Variants in HAPLN4 observed in about 807,000 individuals in gnomAD.
HAPLN4 encodes the protein hyaluronan and proteoglycan link protein 4.
HAPLN4 carries 19 observed loss-of-function variants against 28.0 expected under a neutral mutation model. The observed-to-expected ratio is 0.68, with a 90% CI of 0.47 to 1.00. The LOEUF (loss-of-function observed/expected upper bound fraction) is 1.00, where lower values mean the gene tolerates loss of function less well. HAPLN4 is among the 50% of genes least tolerant of loss of function. The probability of loss-of-function intolerance (pLI) is 0.00; values close to 1 mark genes in which losing one functional copy is unlikely to be tolerated. For missense variants in HAPLN4, 587 were observed against 602.6 expected (o/e 0.97, Z 0.27); for synonymous variants, 274 against 273.0 (o/e 1.00, Z -0.03).
rs376960093 is a variant in HAPLN4, at chr19:19,260,976, C to A, written c.321G>T (p.Arg107=). The A allele has an allele frequency of 1.2e-5, 19 of 1,613,660 alleles. No homozygotes were observed. The highest frequency in any genetic ancestry group is 1.5e-5 in the Non-Finnish European group (18 of 1,179,986). Reference sequence around the variant, plus strand: ...CCCGCCCACGGTAGCTGCCGAATGCCCGGTGCTGGGGGCCTAGTGCCACGA... The same window carrying A: ...CCCGCCCACGGTAGCTGCCGAATGCACGGTGCTGGGGGCCTAGTGCCACGA... ...DVFVALGPQH[R]AFGSYRGRAE... Residue 107 remains arginine, a synonymous_variant, in exon 3 of 5, where the codon CGG becomes CGT. Transcript: ENST00000291481.
In HAPLN4 at chr19:19,261,180, G is replaced by A; in HGVS notation, c.122-5C>T. 1 of 1,589,842 alleles carries A rather than the reference G, an allele frequency of 6.3e-7. No individual in the cohort carries two copies. Among genetic ancestry groups the A allele is most frequent in the Non-Finnish European group, 8.6e-7 (1 of 1,165,016 alleles). ...CTACCGAGCCCGACTCACCCTCTGA[G>A]GACAACCAAGCAGGGTTCAGAGGAG... is the stretch of plus-strand genomic sequence containing the variant. On this transcript the variant is annotated splice_region_variant and splice_polypyrimidine_tract_variant and intron_variant, in intron 2 of 4. Transcript: ENST00000291481.
Position 19,258,607 on chromosome 19 carries a change from C to T in HAPLN4, c.733G>A (p.Ala245Thr), listed in dbSNP as rs1335028847. The change falls in exon 4 of 5, where the codon GCC becomes ACC. Residue 245 changes from alanine (A) to threonine (T), a missense_variant. Transcript: ENST00000291481. This position sits in a 1 kb window ranked among gnomAD's most constrained non-coding sequence, Gnocchi z 6.2. ...CCGTAGTTGCGCAGGCCCCCGTTGG[C>T]ATCACCGCCGCCCCCTGCACTCCCG... ...GTGSAGGGGDANGGLRNYGYR... is the reference protein window; with the variant it reads ...GTGSAGGGGDTNGGLRNYGYR... The T allele has an allele frequency of 3.7e-6, 6 of 1,613,306 alleles. No individual in the cohort carries two copies. Among genetic ancestry groups the T allele is most frequent in the Middle Eastern group, 1.6e-4 (1 of 6,084 alleles).
At chr19:19,260,776 T>C in intron 3 of HAPLN4, 37 bp downstream of exon 3, 1 of 1,583,992 alleles carries the variant, frequency 6.3e-7, no homozygotes, top group Non-Finnish European at 8.6e-7. Flanking sequence ...CCCTCCTTCC[T>C]CAGAAGCAAG....
Position 19,258,139 on chromosome 19 carries a change from C to T in HAPLN4, c.887G>A (p.Arg296His). Reference protein sequence around the residue: ...FSGAARACAARGAAVAKVGQL... With the variant: ...FSGAARACAAHGAAVAKVGQL... ...CCCCACCTTGGCCACGGCCGCGCCA[C>T]GCGCAGCACACGCGCGCGCAGCTCC... The change falls in exon 5 of 5, where the codon CGT (arginine) becomes CAT (histidine). Residue 296 changes from arginine (R) to histidine (H), a missense_variant. Transcript: ENST00000291481. The surrounding 1 kb of genome is among the most constrained non-coding windows in gnomAD (Gnocchi z 6.2). 1 of 1,550,430 alleles carries T rather than the reference C, an allele frequency of 6.4e-7. No individual in the cohort carries two copies. The highest frequency in any genetic ancestry group is 8.7e-7 in the Non-Finnish European group (1 of 1,155,152).
intron 1 of HAPLN4, chr19:19,261,787 C>T (rs1247428700): frequency 1.3e-4 from 60 of 478,140 alleles, no homozygotes; most frequent in Non-Finnish European, 1.2e-4. Context: ...TCAGTCCTGC[C>T]CCAGATCCCG....
intron 3 of HAPLN4, among the ~76,000 whole-genome samples, chr19:19,260,135 C>T (rs1234856520): frequency 6.6e-6 from 1 of 152,172 alleles, no homozygotes; most frequent in Non-Finnish European, 1.5e-5. Flanking sequence ...TCTCACTGTG[C>T]CTGAATCCTA....
Position 19,261,114 on chromosome 19 carries a change from A to G in HAPLN4, c.183T>C (p.Gly61=), listed in dbSNP as rs1256238146. Residue 61 remains glycine, a synonymous_variant, in exon 3 of 5, where the codon GGT becomes GGC. Transcript: ENST00000291481. Reference sequence around the variant, plus strand: ...AGCGGCAGGGCAAGACGATGGTGCCACCACGGTGGCTTACCACCTGCCCAG... The same window carrying G: ...AGCGGCAGGGCAAGACGATGGTGCCGCCACGGTGGCTTACCACCTGCCCAG... The part of the protein sequence containing the change: ...TAPGQVVSHR[G]GTIVLPCRYH... The G allele has an allele frequency of 1.2e-6, 2 of 1,611,356 alleles. No homozygotes were observed. The highest frequency in any genetic ancestry group is 2.7e-5 in the African/African-American group (2 of 74,908).
intron 2 of HAPLN4, 98 bp downstream of exon 2, chr19:19,261,348 A>C: frequency 7.8e-7 from 1 of 1,283,856 alleles, no homozygotes. Context: ...TGGCTGGGGG[A>C]ACCGCGGACG....
intron 1 of HAPLN4, 57 bp downstream of exon 1, chr19:19,262,673 A>G (rs117397390): frequency 0.018 from 28,361 of 1,591,122 alleles, 976 homozygotes; most frequent in South Asian, 0.11. Flanking sequence ...AGAGAGATAT[A>G]GAATCCAAGA....
intron 1 of HAPLN4, 138 bp from the exon 2 acceptor site, chr19:19,261,701 G>C: frequency 3.5e-6 from 2 of 573,414 alleles, no homozygotes; most frequent in Non-Finnish European, 5.9e-6. Context: ...GGGTCCTGGA[G>C]AACTCCCCCT....
At position 19,262,395 on chromosome 19, in the gene HAPLN4, GAGGGAGAGGGAGAGACAGAA is replaced by G. The variant is rs1213766598; in HGVS notation, c.3+315_3+334del. On this transcript the variant is annotated intron_variant, in intron 1 of 4. Coordinates refer to ENST00000291481, the MANE Select transcript of HAPLN4 (RefSeq NM_023002.3). ...ACAGAGAGGCAGAGGGAGCGACAGA[GAGGGAGAGGGAGAGACAGAA>G]AGGGAGAGGGAGAGACAGGAGAGTG... Among the ~76,000 whole-genome samples the G allele has an allele frequency of 2.0e-4, 31 of 151,818 alleles. No homozygotes were observed. The East Asian group carries it at 5.3e-3, about 26-fold the overall frequency.
chr19:19,262,724 A>G lies in HAPLN4; in HGVS notation c.3+6T>C, dbSNP rs747377962. 5.6e-6 allele frequency: 9 copies of G among 1,612,262 alleles called. No individual in the cohort carries two copies. Among genetic ancestry groups the G allele is most frequent in the Non-Finnish European group, 6.8e-6 (8 of 1,179,304 alleles). ...ACACACCACCCGCGCCCGCAGCCCC[A>G]CTTACCATCTTGCCCGCGCGGCCCC... On this transcript the variant is annotated splice_donor_region_variant and intron_variant, in intron 1 of 4. Transcript: ENST00000291481.
rs1235596208 is a variant in HAPLN4 at position 19,258,135 on chromosome 19, G to T, written c.891C>A (p.Gly297=). The part of the protein sequence containing the change: ...SGAARACAAR[G]AAVAKVGQLF... ...GCTGCCCCACCTTGGCCACGGCCGC[G>T]CCACGCGCAGCACACGCGCGCGCAG... is the stretch of plus-strand genomic sequence containing the variant. The change falls in exon 5 of 5, where the codon GGC becomes GGA. Residue 297 remains glycine (G), a synonymous_variant. Coordinates refer to ENST00000291481, the MANE Select transcript of HAPLN4 (RefSeq NM_023002.3). This position sits in a 1 kb window ranked among gnomAD's most constrained non-coding sequence, Gnocchi z 6.2. 6.5e-7 allele frequency: 1 copy of T among 1,549,890 alleles called. No homozygotes were observed. The highest frequency in any genetic ancestry group is 1.4e-5 in the African/African-American group (1 of 73,820).
rs768831298 is a variant in HAPLN4, at chr19:19,258,867, C to T, written c.485-12G>A. ...GGGAAAGACCACGCCTGGCGGGGGG[C>T]GCACGGGATCAGCAGGTACACCCCA... On this transcript the variant is annotated splice_polypyrimidine_tract_variant and intron_variant, in intron 3 of 4. Coordinates refer to ENST00000291481, the MANE Select transcript of HAPLN4 (RefSeq NM_023002.3). The surrounding 1 kb of genome is among the most constrained non-coding windows in gnomAD (Gnocchi z 6.2). The T allele has an allele frequency of 2.0e-6, 3 of 1,523,290 alleles. No homozygotes were observed. The highest frequency in any genetic ancestry group is 1.3e-5 in the South Asian group (1 of 78,290). 94.4% of individuals were successfully genotyped at this position (1,523,290 alleles called of 1,614,324 possible).
At chr19:19,259,964 T>G (rs2060977861) in intron 3 of HAPLN4, among the ~76,000 whole-genome samples, 1 of 152,182 alleles carries the variant, frequency 6.6e-6, no homozygotes, top group South Asian at 2.1e-4. Context: ...GAGGGACAAC[T>G]CTGGGACTCT....
chr19:19,262,068 GGGAAGAGAGAGA>G (rs1276958563), intron 1 of HAPLN4, among the ~76,000 whole-genome samples: 2 of 151,986 alleles, frequency 1.3e-5, no homozygotes, highest in African/African-American at 2.4e-5. Flanking sequence ...AAAAGGGGAA[GGGAAGAGAGAGA>G]GGCAGAGATG....
intron 1 of HAPLN4, among the ~76,000 whole-genome samples, chr19:19,261,907 A>G (rs2060984973): frequency 6.6e-6 from 1 of 151,738 alleles, no homozygotes; most frequent in Admixed American, 6.6e-5. Context: ...CGGCGGCAGC[A>G]AGGTTATCCG....
Position 19,257,822 on chromosome 19 carries a change from C to T in HAPLN4, c.1204G>A (p.Val402Ile), listed in dbSNP as rs1024519390. Residue 402 changes from valine to isoleucine, a missense_variant, in exon 5 of 5, where the codon GTC becomes ATC. Val to Ile is a conservative substitution (Grantham distance 29). Transcript: ENST00000291481. The stretch of plus-strand genomic sequence containing the variant: ...GCTGTCCGCCTACTCCCAGCCTAGA[C>T]GTGCAGAGGGGTCCAGGCAGCAGGA... ...RDPAAWTPLH[V>I] 5.0e-6 allele frequency: 7 copies of T among 1,402,644 alleles called. No individual in the cohort carries two copies. Among genetic ancestry groups the T allele is most frequent in the Non-Finnish European group, 6.4e-6 (7 of 1,087,120 alleles). 86.9% of individuals were successfully genotyped at this position (1,402,644 alleles called of 1,614,324 possible).
In HAPLN4 at chr19:19,258,940, C is replaced by T; in HGVS notation, c.485-85G>A. On this transcript the variant is annotated intron_variant, in intron 3 of 4. Transcript: ENST00000291481. This position sits in a 1 kb window ranked among gnomAD's most constrained non-coding sequence, Gnocchi z 6.2. The stretch of plus-strand genomic sequence containing the variant: ...TCTGGGGTGCTATGTGACTCTTCAA[C>T]CGGGACCTTTCAGTCCATTCCTCCT... The T allele has an allele frequency of 4.3e-6, 5 of 1,160,986 alleles. No individual in the cohort carries two copies. Among genetic ancestry groups the T allele is most frequent in the Non-Finnish European group, 5.9e-6 (5 of 848,488 alleles). The allele number at this position is 1,160,986 out of a possible 1,614,324, so 71.9% of individuals were successfully genotyped here. A position where few individuals can be genotyped will look rare whatever the true frequency, so the allele number is the denominator to read the frequency against.
Sources: allele counts gnomAD v4.1 joint callset (sites outside exome capture counted in the v4.1 genomes callset), GRCh38; gene constraint gnomAD v4.1.1; non-coding constraint Gnocchi (gnomAD v3.1); transcripts MANE v1.5; gene names NCBI Gene and HGNC (gene_info 2026-07-23, HGNC 2026-07-21).